Variants in BCAS3 observed in about 807,000 individuals in gnomAD.
BCAS3 encodes BCAS3 microtubule associated cell migration factor.
Under a neutral mutation model 116.1 loss-of-function variants are expected in BCAS3, and 53 were observed. The ratio of observed to expected loss-of-function variants is 0.46; its 90% confidence interval spans 0.37 to 0.57. BCAS3 has a LOEUF of 0.57. Among genes scored for constraint, BCAS3 ranks in the 20% least tolerant of loss-of-function variants. The pLI is 0.00. For synonymous variants in BCAS3, 391 were observed against 408.2 expected (o/e 0.96, Z 0.51); for missense variants, 917 against 1,165.4 (o/e 0.79, Z 3.10).
chr17:61,357,759 A>G (rs2058236549), intron 22 of BCAS3, among the ~76,000 whole-genome samples: 1 of 148,962 alleles, frequency 6.7e-6, no homozygotes, highest in Non-Finnish European at 1.5e-5. Flanking sequence ...TTTTTAAAAT[A>G]ATAAATAATA....
chr17:61,030,367 T>C (rs1463692326), intron 16 of BCAS3, among the ~76,000 whole-genome samples: 1 of 152,062 alleles, frequency 6.6e-6, no homozygotes, highest in Non-Finnish European at 1.5e-5. Context: ...CAGATATCAT[T>C]AGAATTTTGT....
intron 12 of BCAS3, among the ~76,000 whole-genome samples, chr17:60,914,822 A>G (rs2058696105): frequency 6.6e-6 from 1 of 152,212 alleles, no homozygotes; most frequent in Non-Finnish European, 1.5e-5. Context: ...AATACATAAC[A>G]TACGAAATAT....
Position 60,679,500 on chromosome 17 carries a change from C to T in BCAS3, c.43C>T (p.Arg15Cys). 1 of 1,613,984 alleles carries T rather than the reference C, an allele frequency of 6.2e-7. No homozygotes were observed. ...MATDSPRRPS[R>C]CTGGVVVRPQ... ...TACAGATTCCCCAAGAAGACCCAGT[C>T]GTTGTACTGGTGGAGTTGTGGTTCG... The change falls in exon 2 of 24, where the codon CGT (arginine) becomes TGT (cysteine). Residue 15 changes from arginine (R) to cysteine (C), a missense_variant. By Grantham distance (180) the Arg-to-Cys change is radical (BLOSUM62 -3). Transcript: ENST00000407086.
At chr17:61,331,481 T>C (rs2056283252) in intron 22 of BCAS3, among the ~76,000 whole-genome samples, 1 of 152,070 alleles carries the variant, frequency 6.6e-6, no homozygotes, top group Non-Finnish European at 1.5e-5. Flanking sequence ...CAGAACTAGT[T>C]CAAAACTTTA....
At chr17:61,374,775 A>G (rs8080537) in intron 23 of BCAS3, among the ~76,000 whole-genome samples, 116,089 of 152,196 alleles carry the variant, frequency 0.76, 49,200 homozygotes, top group Non-Finnish European at 0.93. Context: ...ACAAAACAAT[A>G]TTACGGCCAG....
intron 16 of BCAS3, among the ~76,000 whole-genome samples, chr17:61,027,728 A>G (rs2066358589): frequency 6.6e-6 from 1 of 151,766 alleles, no homozygotes; most frequent in Non-Finnish European, 1.5e-5. Context: ...AAACCTTTCT[A>G]TTTCTTATTT....
intron 10 of BCAS3, among the ~76,000 whole-genome samples, chr17:60,893,337 C>T (rs998020491): frequency 6.6e-6 from 1 of 151,772 alleles, no homozygotes; most frequent in Non-Finnish European, 1.5e-5. Context: ...AGAGTTTTTC[C>T]CTAGGTTTTC....
chr17:61,217,235 A>G lies in BCAS3; in HGVS notation c.2425+132671A>G, dbSNP rs1460612851. On this transcript the variant is annotated intron_variant, in intron 22 of 23. Transcript: ENST00000407086. This position sits in a 1 kb window ranked among gnomAD's most constrained non-coding sequence, Gnocchi z 5.2. ...GAGGCGGAGGTTGCAGTGAGCTGAG[A>G]TCGTGCCACTGCACTCCAGCCTGAG... Among the ~76,000 whole-genome samples the G allele has an allele frequency of 2.0e-5, 3 of 152,174 alleles. No individual in the cohort carries two copies. Among genetic ancestry groups the G allele is most frequent in the Non-Finnish European group, 4.4e-5 (3 of 68,038 alleles).
chr17:60,893,854 C>T (rs2145022135), intron 10 of BCAS3, among the ~76,000 whole-genome samples: 1 of 152,060 alleles, frequency 6.6e-6, no homozygotes, highest in South Asian at 2.1e-4. Flanking sequence ...AATGATCCAC[C>T]CACCTTGGCC....
rs1326942976 is a variant in BCAS3 at position 61,376,001 on chromosome 17, G to A, written c.2593+7507G>A. 6.6e-6 allele frequency among the ~76,000 whole-genome samples: 1 copy of A among 152,178 alleles called. No individual in the cohort carries two copies. Among genetic ancestry groups the A allele is most frequent in the African/African-American group, 2.4e-5 (1 of 41,442 alleles). ...TGCAGACATTTCAGAAGATGTGGTG[G>A]TGGTTAGAATTTTCTGCATCCCACA... is the stretch of plus-strand genomic sequence containing the variant. On this transcript the variant is annotated intron_variant, in intron 23 of 23. Coordinates refer to ENST00000407086, the MANE Select transcript of BCAS3 (RefSeq NM_017679.5). The surrounding 1 kb of genome is among the most constrained non-coding windows in gnomAD (Gnocchi z 4.5).
At chr17:61,006,812 A>T (rs921007982) in intron 15 of BCAS3, among the ~76,000 whole-genome samples, 2 of 152,022 alleles carry the variant, frequency 1.3e-5, no homozygotes, top group Admixed American at 6.6e-5. Flanking sequence ...AGATCTTTTT[A>T]AAAAATTTTT....
rs2066024099 is a variant in BCAS3 at position 61,023,637 on chromosome 17, C to G, written c.1637+7736C>G. Among the ~76,000 whole-genome samples, 1 of 152,070 alleles carries G rather than the reference C, an allele frequency of 6.6e-6. No homozygotes were observed. The highest frequency in any genetic ancestry group is 1.5e-5 in the Non-Finnish European group (1 of 68,010). ...AGACTTTGTGGCACCATGTGGCATT[C>G]AACAAAATGAATCAGTTGAATGACT... On this transcript the variant is annotated intron_variant, in intron 16 of 23. Coordinates refer to ENST00000407086, the MANE Select transcript of BCAS3 (RefSeq NM_017679.5). The surrounding 1 kb of genome is among the most constrained non-coding windows in gnomAD (Gnocchi z 4.8).
At chr17:61,374,464 C>G (rs1017390360) in intron 23 of BCAS3, among the ~76,000 whole-genome samples, 1 of 152,236 alleles carries the variant, frequency 6.6e-6, no homozygotes, top group Non-Finnish European at 1.5e-5. Flanking sequence ...AGCCACTGCA[C>G]CCGGCCTGCT....
chr17:61,063,725 T>C lies in BCAS3; in HGVS notation c.2030-11195T>C, dbSNP rs1369844396. 6.6e-6 allele frequency among the ~76,000 whole-genome samples: 1 copy of C among 152,182 alleles called. No homozygotes were observed. The highest frequency in any genetic ancestry group is 1.5e-5 in the Non-Finnish European group (1 of 68,026). On this transcript the variant is annotated intron_variant, in intron 19 of 23. Transcript: ENST00000407086. This position sits in a 1 kb window ranked among gnomAD's most constrained non-coding sequence, Gnocchi z 5.3. ...CTCACCTTTAATTTTTCAGTCAGAATTGGGGAAGTGGAACCAATTGAGATA... is the reference window on the plus strand; with the variant it reads ...CTCACCTTTAATTTTTCAGTCAGAACTGGGGAAGTGGAACCAATTGAGATA...
At chr17:60,900,514 T>G (rs1423947751) in intron 10 of BCAS3, among the ~76,000 whole-genome samples, 1 of 152,216 alleles carries the variant, frequency 6.6e-6, no homozygotes, top group Non-Finnish European at 1.5e-5. Context: ...CTACCCACTT[T>G]TGGTGTTTCC....
At chr17:60,946,703 A>C (rs2060518783) in intron 13 of BCAS3, among the ~76,000 whole-genome samples, 1 of 152,138 alleles carries the variant, frequency 6.6e-6, no homozygotes, top group African/African-American at 2.4e-5. Flanking sequence ...TGAGGCCCAG[A>C]GTTTGAGACC....
At chr17:60,851,539 C>A in intron 7 of BCAS3, 1 of 612,300 alleles carries the variant, frequency 1.6e-6, no homozygotes, top group Non-Finnish European at 3.1e-6. Context: ...TAAAGCTCTA[C>A]ATGTTCTTCA....
intron 5 of BCAS3, among the ~76,000 whole-genome samples, chr17:60,735,427 AT>A (rs1034006493): frequency 5.4e-5 from 8 of 148,682 alleles, no homozygotes; most frequent in Admixed American, 2.0e-4. Flanking sequence ...ATTCAGTATG[AT>A]TTTTTATTTT....
chr17:61,179,518 C>T (rs1475353813), intron 22 of BCAS3, among the ~76,000 whole-genome samples: 1 of 152,116 alleles, frequency 6.6e-6, no homozygotes, highest in African/African-American at 2.4e-5. Flanking sequence ...TGTTTTGTGC[C>T]ATGAGGTGGG....
Sources: allele counts gnomAD v4.1 joint callset (sites outside exome capture counted in the v4.1 genomes callset), GRCh38; gene constraint gnomAD v4.1.1; non-coding constraint Gnocchi (gnomAD v3.1); transcripts MANE v1.5; gene names NCBI Gene and HGNC (gene_info 2026-07-23, HGNC 2026-07-21).